The following CORO2B variants were observed in gnomAD, a reference collection of about 807,000 sequenced individuals.
The protein encoded by CORO2B is coronin-2B.
Under a neutral mutation model 58.8 loss-of-function variants are expected in CORO2B, and 26 were observed. The observed-to-expected ratio is 0.44, with a 90% CI of 0.32 to 0.61. CORO2B has a LOEUF of 0.61. CORO2B is among the 20% of genes least tolerant of loss of function. The pLI is 0.04. For synonymous variants in CORO2B, 242 were observed against 253.8 expected (o/e 0.95, Z 0.44); for missense variants, 460 against 645.1 (o/e 0.71, Z 3.11).
chr15:68,566,426 C>T, the CORO2B span, among the ~76,000 whole-genome samples: 2 of 152,202 alleles, frequency 1.3e-5, no homozygotes, highest in East Asian at 3.9e-4. Context: ...AAAATATCCT[C>T]TCTGAAGGAA....
At chr15:68,667,694 G>A (rs574481705) in intron 2 of CORO2B, among the ~76,000 whole-genome samples, 1 of 152,344 alleles carries the variant, frequency 6.6e-6, no homozygotes, top group East Asian at 1.9e-4. Context: ...CTCAGCCTCA[G>A]TTTCCCCATC....
intron 2 of CORO2B, among the ~76,000 whole-genome samples, chr15:68,647,447 T>A (rs1363989939): frequency 3.9e-5 from 6 of 152,152 alleles, no homozygotes; most frequent in African/African-American, 1.4e-4. Context: ...CCTAGCACTT[T>A]GGGAGGCCAA....
chr15:68,590,931 A>G (rs1030123092), intron 1 of CORO2B, among the ~76,000 whole-genome samples: 2 of 152,140 alleles, frequency 1.3e-5, no homozygotes, highest in Non-Finnish European at 2.9e-5. Flanking sequence ...CGCCTTCCCC[A>G]TCCCTACCCT....
chr15:68,646,056 G>A (rs1901419048), intron 2 of CORO2B, among the ~76,000 whole-genome samples: 1 of 152,076 alleles, frequency 6.6e-6, no homozygotes, highest in South Asian at 2.1e-4. Flanking sequence ...TTACAGGCAT[G>A]AGCCACTGCA....
intron 1 of CORO2B, among the ~76,000 whole-genome samples, chr15:68,585,924 G>A (rs1899544858): frequency 6.6e-6 from 1 of 152,344 alleles, no homozygotes; most frequent in South Asian, 2.1e-4. Flanking sequence ...AGGCAGAGCC[G>A]CCTTCTCCAT....
intron 1 of CORO2B, among the ~76,000 whole-genome samples, chr15:68,618,372 G>T (rs1350833281): frequency 1.3e-5 from 2 of 152,148 alleles, no homozygotes; most frequent in Admixed American, 6.5e-5. Context: ...CTATGGAAAA[G>T]GAGCAAAAAA....
intron 1 of CORO2B, among the ~76,000 whole-genome samples, chr15:68,584,470 TG>T (rs1009133419): frequency 3.3e-5 from 5 of 152,146 alleles, no homozygotes; most frequent in African/African-American, 1.2e-4. Flanking sequence ...TTTGGCTGGT[TG>T]GGAGTGTGGG....
At chr15:68,550,377 C>A in the CORO2B span, among the ~76,000 whole-genome samples, 1 of 152,170 alleles carries the variant, frequency 6.6e-6, no homozygotes, top group African/African-American at 2.4e-5. Flanking sequence ...TTCTGAAAGC[C>A]AGGGGCCTGG....
chr15:68,575,577 G>GGGGGCCCCCCCCCCCC, upstream of CORO2B, among the ~76,000 whole-genome samples: 1 of 38,744 alleles, frequency 2.6e-5, no homozygotes, highest in South Asian at 1.4e-3. Context: ...CTTGTGATCT[G>GGGGGCCCCCCCCCCCC]CCCCCGCCTC....
the CORO2B span, among the ~76,000 whole-genome samples, chr15:68,561,738 C>T: frequency 6.6e-6 from 1 of 151,558 alleles, no homozygotes; most frequent in Non-Finnish European, 1.5e-5. Context: ...AGAGTGTAGA[C>T]AAGTATGCAA....
chr15:68,718,317 G>A (rs1893079065), intron 8 of CORO2B, among the ~76,000 whole-genome samples: 1 of 152,170 alleles, frequency 6.6e-6, no homozygotes, highest in South Asian at 2.1e-4. Context: ...ATTTCAGAGG[G>A]TAATGGGCTC....
At chr15:68,531,555 G>GGAAAGAAAGAAAGAGAAAGAAAGA in the CORO2B span, among the ~76,000 whole-genome samples, 8 of 77,828 alleles carry the variant, frequency 1.0e-4, no homozygotes, top group East Asian at 1.0e-3. Context: ...AAGGAAGGAA[G>GGAAAGAAAGAAAGAGAAAGAAAGA]GAAAGAAAGA....
chr15:68,717,463 T>A (rs937204350), intron 8 of CORO2B, among the ~76,000 whole-genome samples: 2 of 152,054 alleles, frequency 1.3e-5, no homozygotes, highest in Non-Finnish European at 2.9e-5. Context: ...GAGAACAGTG[T>A]GAATCCAGAT....
At chr15:68,686,020 G>GTTTTTTTTTTTTTTTTTTT (rs56168498) in intron 2 of CORO2B, among the ~76,000 whole-genome samples, 2 of 103,334 alleles carry the variant, frequency 1.9e-5, no homozygotes, top group African/African-American at 3.4e-5. Context: ...TCCTACTTCT[G>GTTTTTTTTTTTTTTTTTTT]TTTTTTTTTT....
chr15:68,708,357 C>CTTTTTTTTT (rs921103212), intron 3 of CORO2B, among the ~76,000 whole-genome samples: 4 of 114,966 alleles, frequency 3.5e-5, no homozygotes, highest in African/African-American at 6.2e-5. Context: ...TTTTTTTCTT[C>CTTTTTTTTT]TTTTTTTTTT....
chr15:68,635,432 T>C (rs950725015), intron 1 of CORO2B, among the ~76,000 whole-genome samples: 1 of 152,014 alleles, frequency 6.6e-6, no homozygotes, highest in African/African-American at 2.4e-5. Context: ...CTTCCCTGAG[T>C]GGGTGCTATT....
intron 1 of CORO2B, among the ~76,000 whole-genome samples, chr15:68,586,820 G>A (rs1480379460): frequency 6.6e-6 from 1 of 152,068 alleles, no homozygotes; most frequent in African/African-American, 2.4e-5. Context: ...TGCCTACCCC[G>A]ATGCCTCACG....
intron 2 of CORO2B, among the ~76,000 whole-genome samples, chr15:68,649,539 T>G (rs541132896): frequency 6.6e-6 from 1 of 152,216 alleles, no homozygotes; most frequent in Non-Finnish European, 1.5e-5. Flanking sequence ...TCTCCAGCGT[T>G]CAGTCTCAGG....
chr15:68,707,029 C>T (rs911847718), intron 3 of CORO2B, among the ~76,000 whole-genome samples: 2 of 152,120 alleles, frequency 1.3e-5, no homozygotes, highest in South Asian at 2.1e-4. Context: ...GGCACAATCT[C>T]GGCTCACTGC....
Sources: allele counts gnomAD v4.1 joint callset (sites outside exome capture counted in the v4.1 genomes callset), GRCh38; gene constraint gnomAD v4.1.1; transcripts MANE v1.5; gene names NCBI Gene and HGNC (gene_info 2026-07-23, HGNC 2026-07-21).